The following SMIM7 variants were observed in gnomAD, a reference collection of about 807,000 sequenced individuals.
The protein encoded by SMIM7 is small integral membrane protein 7.
SMIM7 carries 12 observed loss-of-function variants against 13.3 expected under a neutral mutation model. The ratio of observed to expected loss-of-function variants is 0.90; its 90% CI spans 0.58 to 1.46. SMIM7 has a LOEUF of 1.46. Ranked by LOEUF, SMIM7 falls within the 40% of genes most tolerant of loss-of-function variation. SMIM7 has a pLI of 0.00. For missense variants in SMIM7, 114 were observed against 94.8 expected (o/e 1.20, Z -0.84); for synonymous variants, 36 against 35.8 (o/e 1.01, Z -0.02).
At chr19:16,632,348 T>A (rs576312714) in intron 4 of SMIM7, among the ~76,000 whole-genome samples, 1 of 152,128 alleles carries the variant, frequency 6.6e-6, no homozygotes, top group South Asian at 2.1e-4. Context: ...CAAAGATAGG[T>A]AGAAGACCTC....
In SMIM7 at chr19:16,654,136, C is replaced by A. The variant is rs750617967; in HGVS notation, c.122-11G>T. The A allele has an allele frequency of 3.7e-6, 6 of 1,612,266 alleles. No homozygotes were observed. The African/African-American group carries it at 5.3e-5, about 14-fold the overall frequency. On this transcript the variant is annotated splice_polypyrimidine_tract_variant and intron_variant, in intron 3 of 4. Coordinates refer to ENST00000487416, the MANE Select transcript of SMIM7 (RefSeq NM_024104.4). The stretch of plus-strand genomic sequence containing the variant: ...CCCGGATGTTGTCACCTGGAAGAAT[C>A]AGAAAGCACTTTTATGGCACAGCTA...
intron 4 of SMIM7, among the ~76,000 whole-genome samples, chr19:16,635,899 A>AAAAAAAAAAT (rs1200181092): frequency 1.8e-5 from 2 of 109,600 alleles, no homozygotes; most frequent in African/African-American, 8.7e-5. Context: ...AAAAAAAAAA[A>AAAAAAAAAAT]ATATATATAT....
downstream of SMIM7, chr19:16,641,049 G>C (rs1170630672): frequency 2.0e-5 from 3 of 152,164 alleles, no homozygotes; most frequent in Non-Finnish European, 4.4e-5. Flanking sequence ...TTAAAATGCA[G>C]GCCACAAGGG....
intron 4 of SMIM7, chr19:16,633,808 CTTAA>C (rs2086339188): frequency 1.3e-5 from 2 of 152,076 alleles, no homozygotes; most frequent in African/African-American, 2.4e-5. Flanking sequence ...ACATTGTGAT[CTTAA>C]TTATACTTTT....
intron 4 of SMIM7, among the ~76,000 whole-genome samples, chr19:16,647,909 G>A (rs933694601): frequency 6.6e-6 from 1 of 152,160 alleles, no homozygotes; most frequent in African/African-American, 2.4e-5. Context: ...GAAACAGCTG[G>A]ATTTCCACAT....
chr19:16,647,500 G>T (rs570499754), intron 4 of SMIM7, among the ~76,000 whole-genome samples: 2 of 149,798 alleles, frequency 1.3e-5, no homozygotes, highest in South Asian at 2.1e-4. Context: ...CTGCCGCCCA[G>T]GCTGGAGTAC....
At chr19:16,637,035 A>G (rs894430840) in intron 4 of SMIM7, among the ~76,000 whole-genome samples, 2 of 152,176 alleles carry the variant, frequency 1.3e-5, no homozygotes, top group Admixed American at 1.3e-4. Context: ...CCCAATTAGA[A>G]CTTTCCTCCA....
At chr19:16,633,800 A>G (rs1193881123) in intron 4 of SMIM7, 1 of 152,244 alleles carries the variant, frequency 6.6e-6, no homozygotes, top group East Asian at 1.9e-4. Flanking sequence ...AACTATATAC[A>G]TTGTGATCTT....
intron 4 of SMIM7, chr19:16,636,427 T>C (rs1050587527): frequency 5.3e-5 from 8 of 152,056 alleles, no homozygotes; most frequent in African/African-American, 1.9e-4. Context: ...TGGAGTACAG[T>C]GGTATGACCT....
chr19:16,649,527 C>T (rs1327566536), intron 4 of SMIM7, among the ~76,000 whole-genome samples: 1 of 152,100 alleles, frequency 6.6e-6, no homozygotes, highest in African/African-American at 2.4e-5. Context: ...GAGCTGAGAA[C>T]GTGCCACTGC....
intron 3 of SMIM7, among the ~76,000 whole-genome samples, chr19:16,656,355 G>A (rs1028954823): frequency 6.6e-6 from 1 of 151,952 alleles, no homozygotes. Flanking sequence ...GCCACTGCAC[G>A]CCTGGGCAAC....
chr19:16,635,015 C>CA (rs2086348541), intron 4 of SMIM7: 1 of 151,910 alleles, frequency 6.6e-6, no homozygotes, highest in Admixed American at 6.6e-5. Flanking sequence ...CTTCGTGCCT[C>CA]AAAGGAGTGA....
At chr19:16,640,476 T>C (rs1303983860) in intron 4 of SMIM7, 1 of 152,252 alleles carries the variant, frequency 6.6e-6, no homozygotes, top group African/African-American at 2.4e-5. Flanking sequence ...TATAATGAAA[T>C]GGTTGAAATG....
chr19:16,641,378 A>C (rs1020970191), downstream of SMIM7: 1 of 150,864 alleles, frequency 6.6e-6, no homozygotes, highest in Non-Finnish European at 1.5e-5. Flanking sequence ...GGTTCATCAC[A>C]ACCTCTGCTT....
At chr19:16,632,608 G>A (rs994222800) in intron 4 of SMIM7, among the ~76,000 whole-genome samples, 2 of 151,054 alleles carry the variant, frequency 1.3e-5, no homozygotes, top group Non-Finnish European at 2.9e-5. Context: ...TGCCATCTGG[G>A]CTCACCTCTA....
chr19:16,646,937 G>A lies in SMIM7; in HGVS notation c.*309C>T. On this transcript the variant is annotated 3_prime_UTR_variant, in exon 5 of 5. Coordinates refer to ENST00000487416, the MANE Select transcript of SMIM7 (RefSeq NM_024104.4). ...AGCCAATCCTTCTGCTCAGATCTCT[G>A]GATAGAAATGATTTTTCTTTTATCT... 2.2e-6 allele frequency: 1 copy of A among 463,088 alleles called. No individual in the cohort carries two copies. Among genetic ancestry groups the A allele is most frequent in the Non-Finnish European group, 3.9e-6 (1 of 255,540 alleles). 28.7% of individuals were successfully genotyped at this position (463,088 alleles called of 1,614,324 possible).
chr19:16,643,049 G>A (rs1017008119), downstream of SMIM7, among the ~76,000 whole-genome samples: 16 of 151,856 alleles, frequency 1.1e-4, no homozygotes, highest in Non-Finnish European at 1.9e-4. Flanking sequence ...TGATCCACCC[G>A]CCTCGGCCTC....
At chr19:16,633,876 A>G (rs908229388) in intron 4 of SMIM7, 1 of 152,162 alleles carries the variant, frequency 6.6e-6, no homozygotes, top group Non-Finnish European at 1.5e-5. Context: ...TTGGAAGGAA[A>G]CCAAAATATT....
At chr19:16,657,456 T>C (rs969817529) in intron 3 of SMIM7, among the ~76,000 whole-genome samples, 5 of 152,160 alleles carry the variant, frequency 3.3e-5, no homozygotes, top group Non-Finnish European at 5.9e-5. Context: ...AATGTATGAA[T>C]GGATGGATCA....
Sources: allele counts gnomAD v4.1 joint callset (sites outside exome capture counted in the v4.1 genomes callset), GRCh38; gene constraint gnomAD v4.1.1; transcripts MANE v1.5; gene names NCBI Gene and HGNC (gene_info 2026-07-23, HGNC 2026-07-21).